Variants in PRPF4 observed in about 807,000 individuals in gnomAD.
PRPF4 encodes the protein U4/U6 small nuclear ribonucleoprotein Prp4.
PRPF4 carries 14 observed loss-of-function variants against 72.2 expected under a neutral mutation model. That is an observed-to-expected ratio of 0.19 (90% CI 0.13 to 0.30). The LOEUF (loss-of-function observed/expected upper bound fraction) is 0.30, where lower values mean the gene tolerates loss of function less well. Among genes scored for constraint, PRPF4 ranks in the 10% least tolerant of loss-of-function variants. The pLI, the probability that PRPF4 is intolerant of heterozygous loss-of-function variation, is 1.00. For missense variants in PRPF4, 478 were observed against 653.9 expected (o/e 0.73, Z 2.93); for synonymous variants, 225 against 232.2 (o/e 0.97, Z 0.28).
chr9:113,279,203 A>G, intron 3 of PRPF4, 72 bp downstream of exon 3: 1 of 1,331,062 alleles, frequency 7.5e-7, no homozygotes, highest in African/African-American at 1.5e-5. Flanking sequence ...TTGGTTGATC[A>G]TTTAGTTGAA....
intron 13 of PRPF4, 60 bp from the exon 14 acceptor site, chr9:113,291,407 T>C (rs1403450135): frequency 6.7e-7 from 1 of 1,497,852 alleles, no homozygotes. Context: ...CTTTTGTGCT[T>C]TTGTCTTCTC....
chr9:113,282,161 C>G (rs761949984), intron 3 of PRPF4, among the ~76,000 whole-genome samples: 7 of 152,150 alleles, frequency 4.6e-5, no homozygotes, highest in Non-Finnish European at 7.4e-5. Flanking sequence ...TTAGCCATCC[C>G]CACTTGACTC....
chr9:113,284,408 T>A lies in PRPF4; in HGVS notation c.749+19T>A. 6.3e-7 allele frequency: 1 copy of A among 1,577,770 alleles called. No individual in the cohort carries two copies. The highest frequency in any genetic ancestry group is 8.7e-7 in the Non-Finnish European group (1 of 1,147,088). On this transcript the variant is annotated intron_variant, in intron 7 of 13. Coordinates refer to ENST00000374198, the MANE Select transcript of PRPF4 (RefSeq NM_001244926.2). ...CTTGTTGGTAAGTTCCATTTTACAA[T>A]GACATTTTTTCCTAAATGGGGAACA...
intron 7 of PRPF4, among the ~76,000 whole-genome samples, chr9:113,285,164 TA>T (rs1455949500): frequency 6.6e-6 from 1 of 151,174 alleles, no homozygotes; most frequent in Non-Finnish European, 1.5e-5. Flanking sequence ...ATAATAGATA[TA>T]AAAGTAATTT....
At chr9:113,290,219 C>T (rs1421850362) in intron 10 of PRPF4, among the ~76,000 whole-genome samples, 1 of 139,010 alleles carries the variant, frequency 7.2e-6, no homozygotes, top group Non-Finnish European at 1.6e-5. Flanking sequence ...GACTCTGTCT[C>T]AAAAGAAGAA....
Position 113,284,571 on chromosome 9 carries a change from C to T in PRPF4, c.749+182C>T, listed in dbSNP as rs143942476. On this transcript the variant is annotated intron_variant, in intron 7 of 13. Transcript: ENST00000374198. ...TAATACAATGTAGCCTTGGTTTAGCCGTTCTCGCTCTTCACCAGTGACCCC... is the reference window on the plus strand; with the variant it reads ...TAATACAATGTAGCCTTGGTTTAGCTGTTCTCGCTCTTCACCAGTGACCCC... Among the ~76,000 whole-genome samples the T allele has an allele frequency of 2.5e-3, 382 of 152,274 alleles. 1 individual carries two copies. Among genetic ancestry groups the T allele is most frequent in the Middle Eastern group, 0.017 (5 of 294 alleles).
In PRPF4 at chr9:113,291,616, A is replaced by T; in HGVS notation, c.1522A>T (p.Thr508Ser). Residue 508 changes from threonine to serine, a missense_variant, in exon 14 of 14, where the codon ACT (threonine) becomes TCT (serine). Transcript: ENST00000374198. ...DISSDGQLIA[T>S]CSYDRTFKLW... ...TTCTTCCGATGGGCAGCTCATAGCCACTTGCTCATATGACAGGACCTTCAA... is the reference window on the plus strand; with the variant it reads ...TTCTTCCGATGGGCAGCTCATAGCCTCTTGCTCATATGACAGGACCTTCAA... The T allele has an allele frequency of 6.2e-7, 1 of 1,614,194 alleles. No individual in the cohort carries two copies. Among genetic ancestry groups the T allele is most frequent in the Non-Finnish European group, 8.5e-7 (1 of 1,180,028 alleles).
chr9:113,281,446 C>T (rs945514168), intron 3 of PRPF4, among the ~76,000 whole-genome samples: 2 of 152,154 alleles, frequency 1.3e-5, no homozygotes, highest in Admixed American at 6.5e-5. Flanking sequence ...TGACTCAGAG[C>T]GTCACTACAA....
At chr9:113,288,923 A>T (rs1832530368) in intron 10 of PRPF4, among the ~76,000 whole-genome samples, 1 of 152,146 alleles carries the variant, frequency 6.6e-6, no homozygotes, top group Non-Finnish European at 1.5e-5. Flanking sequence ...AATGGAATGG[A>T]TTTATTTTAA....
At position 113,291,830 on chromosome 9, in the gene PRPF4, A is replaced by G. The variant is rs1832616895; in HGVS notation, c.*170A>G. 1.5e-6 allele frequency: 1 copy of G among 653,084 alleles called. No homozygotes were observed. The highest frequency in any genetic ancestry group is 3.1e-5 in the Admixed American group (1 of 32,394). 40.5% of individuals were successfully genotyped at this position (653,084 alleles called of 1,614,324 possible). A position where few individuals can be genotyped will look rare whatever the true frequency, so the allele number is the denominator to read the frequency against. On this transcript the variant is annotated 3_prime_UTR_variant, in exon 14 of 14. Transcript: ENST00000374198. ...GCCCCCACTCCAGGAAGGCAGCCCA[A>G]TCCCTAGGTGATGGGGAACCCCTCT...
chr9:113,280,882 C>G (rs546525290), intron 3 of PRPF4, among the ~76,000 whole-genome samples: 3 of 151,988 alleles, frequency 2.0e-5, no homozygotes, highest in African/African-American at 7.3e-5. Context: ...GCTCTGTCAC[C>G]CAGGGTGGAG....
chr9:113,289,007 T>G (rs1391688967), intron 10 of PRPF4, among the ~76,000 whole-genome samples: 1 of 152,190 alleles, frequency 6.6e-6, no homozygotes, highest in East Asian at 1.9e-4. Context: ...TAGAGAATAG[T>G]CCATCACCCC....
rs545842079 is a variant in PRPF4 at position 113,285,401 on chromosome 9, C to T, written c.750-831C>T. 4.3e-4 allele frequency among the ~76,000 whole-genome samples: 34 copies of T among 78,650 alleles called. 1 individual carries two copies. The South Asian group carries it at 0.012, about 28-fold the overall frequency. 51.6% of individuals were successfully genotyped at this position (78,650 alleles called of 152,430 possible). ...TTTTTTTTTTTTTTTTTTTTTGAGA[C>T]GGAGTGTCACACTTTCGGCCAGGCT... is the stretch of plus-strand genomic sequence containing the variant. On this transcript the variant is annotated intron_variant, in intron 7 of 13. Transcript: ENST00000374198.
At chr9:113,283,254 G>T in intron 5 of PRPF4, 43 bp downstream of exon 5, 2 of 1,613,984 alleles carry the variant, frequency 1.2e-6, no homozygotes, top group Non-Finnish European at 8.5e-7. Context: ...TATTTTTTGT[G>T]TGTGTTTCCT....
rs1832615795 is a variant in PRPF4 at position 113,291,777 on chromosome 9, C to T, written c.*117C>T. 4 of 1,023,896 alleles carry T rather than the reference C, an allele frequency of 3.9e-6. No individual in the cohort carries two copies. The highest frequency in any genetic ancestry group is 5.5e-6 in the Non-Finnish European group (4 of 721,196). The allele number at this position is 1,023,896 out of a possible 1,614,324, so 63.4% of individuals were successfully genotyped here. A position where few individuals can be genotyped will look rare whatever the true frequency, so the allele number is the denominator to read the frequency against. On this transcript the variant is annotated 3_prime_UTR_variant, in exon 14 of 14. Coordinates refer to ENST00000374198, the MANE Select transcript of PRPF4 (RefSeq NM_001244926.2). ...TTTTCTGCCAATTACCATGCATAGA[C>T]CCTCAGTAGAATTGGATTTCCATGT... is the stretch of plus-strand genomic sequence containing the variant.
At chr9:113,280,530 T>C (rs1309029724) in intron 3 of PRPF4, among the ~76,000 whole-genome samples, 1 of 152,238 alleles carries the variant, frequency 6.6e-6, no homozygotes, top group Non-Finnish European at 1.5e-5. Context: ...AAATCTGGTC[T>C]GTTCTACTTG....
intron 3 of PRPF4, among the ~76,000 whole-genome samples, chr9:113,280,770 G>T (rs1264987688): frequency 6.6e-6 from 1 of 152,150 alleles, no homozygotes; most frequent in African/African-American, 2.4e-5. Context: ...GAATATGCTA[G>T]TTCTTTTTAT....
Position 113,286,274 on chromosome 9 carries a change from C to G in PRPF4, c.792C>G (p.Leu264=), listed in dbSNP as rs1481217985. The change falls in exon 8 of 14, where the codon CTC becomes CTG. Residue 264 remains leucine (L), a synonymous_variant. Coordinates refer to ENST00000374198, the MANE Select transcript of PRPF4 (RefSeq NM_001244926.2). ...TCTGGTCTGTTCCTGATTGCAACCT[C>G]CTTCACACTCTTCGAGGTAAGTTAG... The part of the protein sequence containing the change: ...CKLWSVPDCN[L]LHTLRGHNTN... 1.9e-6 allele frequency: 3 copies of G among 1,612,554 alleles called. No homozygotes were observed. Among genetic ancestry groups the G allele is most frequent in the African/African-American group, 1.3e-5 (1 of 74,882 alleles).
chr9:113,283,572 G>A, intron 6 of PRPF4, 90 bp downstream of exon 6: 2 of 1,299,404 alleles, frequency 1.5e-6, no homozygotes, highest in Non-Finnish European at 2.1e-6. Flanking sequence ...GGAAGGTAGA[G>A]GCAACTAGAG....
Sources: allele counts gnomAD v4.1 joint callset (sites outside exome capture counted in the v4.1 genomes callset), GRCh38; gene constraint gnomAD v4.1.1; transcripts MANE v1.5; gene names NCBI Gene and HGNC (gene_info 2026-07-23, HGNC 2026-07-21).